Variants in DLGAP2 observed in about 807,000 individuals in gnomAD.
The protein encoded by DLGAP2 is disks large-associated protein 2.
DLGAP2 carries 26 observed loss-of-function variants against 100.3 expected under a neutral mutation model. The observed-to-expected ratio is 0.26, with a 90% confidence interval of 0.19 to 0.36. The LOEUF is 0.36. Ranked by LOEUF, DLGAP2 falls within the 10% of genes least tolerant of loss-of-function variation. DLGAP2 has a pLI of 1.00. For synonymous variants in DLGAP2, 886 were observed against 630.1 expected (o/e 1.41, Z -6.08); for missense variants, 1,858 against 1,453.2 (o/e 1.28, Z -4.53).
chr8:1,576,095 G>A (rs568631614), intron 6 of DLGAP2, among the ~76,000 whole-genome samples: 3,606 of 152,218 alleles, frequency 0.024, 126 homozygotes, highest in African/African-American at 0.074. Flanking sequence ...CAGTGTAAAA[G>A]TGTTCCTATT....
intron 1 of DLGAP2, among the ~76,000 whole-genome samples, chr8:842,726 T>G (rs560297407): frequency 1.6e-4 from 25 of 152,320 alleles, no homozygotes; most frequent in African/African-American, 2.2e-4. Flanking sequence ...CTTCATTTTT[T>G]GGGGATTTTC....
At chr8:795,311 C>T (rs2132645204) in intron 1 of DLGAP2, among the ~76,000 whole-genome samples, 1 of 152,164 alleles carries the variant, frequency 6.6e-6, no homozygotes, top group East Asian at 1.9e-4. Context: ...CTCATCAGTG[C>T]TGAACTCAGA....
At chr8:1,515,813 C>T (rs1372710513) in intron 4 of DLGAP2, among the ~76,000 whole-genome samples, 1 of 152,230 alleles carries the variant, frequency 6.6e-6, no homozygotes, top group Non-Finnish European at 1.5e-5. Flanking sequence ...CCAGTCTGTT[C>T]CCTGCTCCCA....
chr8:824,470 C>T (rs1796648721), intron 1 of DLGAP2, among the ~76,000 whole-genome samples: 1 of 152,160 alleles, frequency 6.6e-6, no homozygotes, highest in African/African-American at 2.4e-5. Flanking sequence ...CGTTGGCTTA[C>T]TTTTCCTATA....
intron 3 of DLGAP2, among the ~76,000 whole-genome samples, chr8:1,467,658 A>G (rs1798664672): frequency 6.6e-6 from 1 of 152,100 alleles, no homozygotes; most frequent in African/African-American, 2.4e-5. Context: ...AAGCCTGCAC[A>G]TTTTAGCCCC....
chr8:877,363 C>G lies in DLGAP2; in HGVS notation c.19-30549C>G, dbSNP rs149334092. On this transcript the variant is annotated intron_variant, in intron 1 of 14. Coordinates refer to ENST00000637795, the MANE Select transcript of DLGAP2 (RefSeq NM_001346810.2). ...TTTAGAGGAGTCTAGACTCTCTGCC[C>G]TGTCCCCCATGGTGTTTAGCCTCTG... Among the ~76,000 whole-genome samples, 4 of 152,286 alleles carry G rather than the reference C, an allele frequency of 2.6e-5. No individual in the cohort carries two copies. In the East Asian group the frequency reaches 7.7e-4, roughly 29 times the overall value.
At chr8:1,121,182 C>G (rs1796036567) in intron 2 of DLGAP2, among the ~76,000 whole-genome samples, 1 of 151,316 alleles carries the variant, frequency 6.6e-6, no homozygotes, top group South Asian at 2.1e-4. Context: ...ATCCCATGAC[C>G]ACCCGTCCTC....
In DLGAP2 at chr8:795,790, C is replaced by T. The variant is rs549937806; in HGVS notation, c.18+57965C>T. Reference sequence around the variant, plus strand: ...CAGGCGTCCAGTGAGAGCAGGCGTCCGGTGAGAACAGGCGTCCGGTGAGAG... The same window carrying T: ...CAGGCGTCCAGTGAGAGCAGGCGTCTGGTGAGAACAGGCGTCCGGTGAGAG... On this transcript the variant is annotated intron_variant, in intron 1 of 14. Transcript: ENST00000637795. Among the ~76,000 whole-genome samples the T allele has an allele frequency of 1.4e-4, 19 of 140,676 alleles. 3 individuals carry two copies. The highest frequency in any genetic ancestry group is 5.1e-4 in the African/African-American group (19 of 37,280). The allele number at this position is 140,676 out of a possible 152,430, so 92.3% of individuals were successfully genotyped here. A position where few individuals can be genotyped will look rare whatever the true frequency, so the allele number is the denominator to read the frequency against.
chr8:926,183 C>T (rs190230977), intron 2 of DLGAP2, among the ~76,000 whole-genome samples: 8 of 152,214 alleles, frequency 5.3e-5, no homozygotes, highest in East Asian at 3.9e-4. Flanking sequence ...TACATGAAGC[C>T]GACTTCCAGA....
chr8:986,039 G>T (rs541258008), intron 2 of DLGAP2, among the ~76,000 whole-genome samples: 22 of 152,278 alleles, frequency 1.4e-4, no homozygotes, highest in Admixed American at 4.6e-4. Context: ...TTATTAGGGG[G>T]GAGTATGGCT....
In DLGAP2 at chr8:1,702,193, A is replaced by C. The variant is rs151290372; in HGVS notation, c.*787A>C. 1 of 152,114 alleles carries C rather than the reference A, an allele frequency of 6.6e-6. No individual in the cohort carries two copies. Among genetic ancestry groups the C allele is most frequent in the Admixed American group, 6.6e-5 (1 of 15,240 alleles). 9.4% of individuals were successfully genotyped at this position (152,114 alleles called of 1,614,324 possible). ...GGGCTGGGAGCTTAAAAGGAAAACA[A>C]TGTCCTTACTTGTAAACAGTTATTG... On this transcript the variant is annotated 3_prime_UTR_variant, in exon 15 of 15. Transcript: ENST00000637795.
intron 3 of DLGAP2, 99 bp from the exon 4 acceptor site, chr8:1,501,267 T>C: frequency 7.9e-7 from 1 of 1,271,402 alleles, no homozygotes; most frequent in Non-Finnish European, 1.1e-6. Flanking sequence ...TCTGTCATGT[T>C]TGAACTGTTG....
At chr8:949,498 G>C (rs371704349) in intron 2 of DLGAP2, among the ~76,000 whole-genome samples, 24 of 152,062 alleles carry the variant, frequency 1.6e-4, no homozygotes, top group African/African-American at 5.6e-4. Context: ...GGGAAGATGC[G>C]AACATTCAAG....
intron 2 of DLGAP2, among the ~76,000 whole-genome samples, chr8:988,602 C>T (rs986169887): frequency 6.6e-6 from 1 of 152,196 alleles, no homozygotes; most frequent in Non-Finnish European, 1.5e-5. Flanking sequence ...TCCTCCCTTC[C>T]AGGGTCTGAT....
intron 2 of DLGAP2, among the ~76,000 whole-genome samples, chr8:1,039,661 G>GTGGTCAGCTCGGTGTGC (rs1563158914): frequency 1.3e-4 from 2 of 15,794 alleles, no homozygotes; most frequent in Non-Finnish European, 1.1e-4. Flanking sequence ...GCTCGGTGTG[G>GTGGTCAGCTCGGTGTGC]GTGGTCAGCT....
chr8:1,372,156 GTGGGGCGCAGGTCACCGTGGCGCCAACGC>G (rs1447227430), intron 3 of DLGAP2, among the ~76,000 whole-genome samples: 9 of 152,216 alleles, frequency 5.9e-5, no homozygotes, highest in African/African-American at 9.6e-5. Flanking sequence ...GATAGGGTGG[GTGGGGCGCAGGTCACCGTGGCGCCAACGC>G]TGGGGCGCAG....
intron 3 of DLGAP2, among the ~76,000 whole-genome samples, chr8:1,316,445 A>C (rs1411433836): frequency 7.5e-6 from 1 of 132,748 alleles, no homozygotes; most frequent in African/African-American, 2.8e-5. Flanking sequence ...AGTGGTCTAC[A>C]CTCGAGAAAC....
intron 10 of DLGAP2, among the ~76,000 whole-genome samples, chr8:1,675,004 G>A (rs1298763526): frequency 1.3e-5 from 2 of 152,206 alleles, no homozygotes; most frequent in Non-Finnish European, 2.9e-5. Context: ...AACGGGAATG[G>A]TAAATTCTGA....
chr8:866,255 G>A (rs760612496), intron 1 of DLGAP2, among the ~76,000 whole-genome samples: 73 of 152,138 alleles, frequency 4.8e-4, no homozygotes, highest in Non-Finnish European at 1.3e-4. Context: ...GGGCCGTGCC[G>A]GTATCTCTCA....
Sources: gnomAD v4.1 joint callset for allele counts (sites outside exome capture counted in the v4.1 genomes callset) on GRCh38, gnomAD v4.1.1 for gene constraint, MANE v1.5 for transcripts, NCBI Gene and HGNC (gene_info 2026-07-23, HGNC 2026-07-21) for gene names.